Variants in CCDC171 observed in about 807,000 individuals in gnomAD.
CCDC171 encodes the protein coiled-coil domain containing 171.
Under a neutral mutation model 168.2 loss-of-function variants are expected in CCDC171, and 177 were observed. The ratio of observed to expected loss-of-function variants is 1.05; its 90% CI spans 0.93 to 1.19. The LOEUF (loss-of-function observed/expected upper bound fraction) is 1.19. Ranked by LOEUF, CCDC171 falls within the 50% of genes most tolerant of loss-of-function variation. CCDC171 has a pLI of 0.00. For missense variants in CCDC171, 1,991 were observed against 1,539.0 expected (o/e 1.29, Z -4.91); for synonymous variants, 687 against 540.8 (o/e 1.27, Z -3.75).
intron 25 of CCDC171, among the ~76,000 whole-genome samples, chr9:15,938,168 C>G (rs1392605958): frequency 6.6e-6 from 1 of 151,836 alleles, no homozygotes; most frequent in Non-Finnish European, 1.5e-5. Flanking sequence ...GATGAGGAAT[C>G]TCAGTCCCAG....
At chr9:15,781,957 C>G (rs550056647) in intron 20 of CCDC171, among the ~76,000 whole-genome samples, 1 of 152,212 alleles carries the variant, frequency 6.6e-6, no homozygotes, top group East Asian at 1.9e-4. Context: ...ATGGAAATGA[C>G]AGACTTTGAA....
intron 23 of CCDC171, among the ~76,000 whole-genome samples, chr9:15,852,798 A>G (rs1563872102): frequency 1.3e-5 from 2 of 151,402 alleles, no homozygotes; most frequent in South Asian, 2.1e-4. Flanking sequence ...TTATATGGCA[A>G]TCCAATTATT....
chr9:15,616,956 G>T (rs2044126963), intron 6 of CCDC171, among the ~76,000 whole-genome samples: 1 of 152,184 alleles, frequency 6.6e-6, no homozygotes, highest in Non-Finnish European at 1.5e-5. Context: ...GAAGCATGGT[G>T]CTAACATCTG....
chr9:15,883,265 G>A (rs809493), intron 24 of CCDC171: 117,659 of 157,156 alleles, frequency 0.75, 45,718 homozygotes, highest in East Asian at 0.85. Flanking sequence ...TCGCTATGCT[G>A]CCCAGACTGG....
At chr9:16,060,732 C>G (rs574542763) in exon 2 of CCDC171, 1 of 152,294 alleles carries the variant, frequency 6.6e-6, no homozygotes, top group African/African-American at 2.4e-5. Context: ...TAAAAGCTAT[C>G]GGTAGGAGTT....
At chr9:15,892,229 C>T (rs903873893) in intron 24 of CCDC171, among the ~76,000 whole-genome samples, 1 of 152,096 alleles carries the variant, frequency 6.6e-6, no homozygotes, top group African/African-American at 2.4e-5. Flanking sequence ...CCAGAACTTC[C>T]AATACTATGT....
intron 1 of CCDC171, among the ~76,000 whole-genome samples, chr9:16,050,200 T>G (rs1333427555): frequency 6.6e-6 from 1 of 152,242 alleles, no homozygotes; most frequent in South Asian, 2.1e-4. Flanking sequence ...TTACTGTATT[T>G]CTTACAGCAC....
intron 21 of CCDC171, among the ~76,000 whole-genome samples, chr9:15,823,327 TAATAA>T (rs1372615086): frequency 1.3e-5 from 2 of 152,122 alleles, no homozygotes; most frequent in East Asian, 3.9e-4. Context: ...AGTATAATAA[TAATAA>T]AATATTAAAA....
At chr9:15,648,047 C>A (rs1022862188) in intron 7 of CCDC171, among the ~76,000 whole-genome samples, 11 of 152,140 alleles carry the variant, frequency 7.2e-5, no homozygotes, top group Non-Finnish European at 1.2e-4. Context: ...AGCTTATCCA[C>A]CATGATCAAG....
chr9:15,951,967 G>T (rs1829238802), intron 25 of CCDC171, among the ~76,000 whole-genome samples: 1 of 152,082 alleles, frequency 6.6e-6, no homozygotes. Flanking sequence ...CTTTCACCCT[G>T]TGTTTTCTTC....
chr9:15,671,689 C>T (rs1170132160), intron 9 of CCDC171, among the ~76,000 whole-genome samples: 2 of 117,752 alleles, frequency 1.7e-5, no homozygotes, highest in East Asian at 4.5e-4. Context: ...GACGTGAGCT[C>T]ATCCTTTTTT....
intron 25 of CCDC171, among the ~76,000 whole-genome samples, chr9:15,937,576 C>A (rs1019915690): frequency 1.3e-5 from 2 of 151,754 alleles, no homozygotes; most frequent in African/African-American, 4.8e-5. Context: ...TTTTTGTCAG[C>A]AGTTTTAAAG....
chr9:16,085,253 CAG>C, the CCDC171 span, among the ~76,000 whole-genome samples: 1 of 152,196 alleles, frequency 6.6e-6, no homozygotes, highest in Non-Finnish European at 1.5e-5. Context: ...GTCAGGGAAA[CAG>C]AAGCTACATG....
chr9:16,046,196 G>A (rs1297405792), intron 1 of CCDC171, among the ~76,000 whole-genome samples: 2 of 152,150 alleles, frequency 1.3e-5, no homozygotes, highest in Non-Finnish European at 2.9e-5. Flanking sequence ...TTTAGAAAGA[G>A]GAATATTTTC....
At chr9:15,716,105 C>T (rs1331972356) in intron 11 of CCDC171, among the ~76,000 whole-genome samples, 4 of 152,288 alleles carry the variant, frequency 2.6e-5, no homozygotes, top group Admixed American at 2.6e-4. Flanking sequence ...TTCTCCTTCC[C>T]CCTTGTCCCT....
chr9:15,997,006 T>A (rs962655169), intron 3 of CCDC171, among the ~76,000 whole-genome samples: 1 of 152,126 alleles, frequency 6.6e-6, no homozygotes, highest in African/African-American at 2.4e-5. Flanking sequence ...TTTGTGTCAG[T>A]TTGGGTCATT....
chr9:15,600,771 C>T (rs548804897), intron 6 of CCDC171, among the ~76,000 whole-genome samples: 57 of 152,324 alleles, frequency 3.7e-4, no homozygotes, highest in African/African-American at 5.5e-4. Context: ...CCTTGAGCTG[C>T]GGTGGGCTCC....
At chr9:15,597,872 G>T (rs2042500100) in intron 6 of CCDC171, among the ~76,000 whole-genome samples, 1 of 152,078 alleles carries the variant, frequency 6.6e-6, no homozygotes, top group African/African-American at 2.4e-5. Flanking sequence ...GTTTAGTCTT[G>T]GGAGGGTGTA....
rs372700936 is a variant in CCDC171, at chr9:16,049,071, A to G, written n.89+6185A>G. Among the ~76,000 whole-genome samples, 80 of 152,354 alleles carry G rather than the reference A, an allele frequency of 5.3e-4. No homozygotes were observed. The South Asian group carries it at 0.016, about 30-fold the overall frequency. On this transcript the variant is annotated intron_variant and non_coding_transcript_variant, in intron 1 of 1. Coordinates refer to the CCDC171 transcript ENST00000478913. ...AACATCTAAAATCCCTAATGTCTAC[A>G]TTCAGAAAATCGCAATCCCAACAGA... is the stretch of plus-strand genomic sequence containing the variant.
Sources: allele counts gnomAD v4.1 joint callset (sites outside exome capture counted in the v4.1 genomes callset), GRCh38; gene constraint gnomAD v4.1.1; transcripts MANE v1.5; gene names NCBI Gene and HGNC (gene_info 2026-07-23, HGNC 2026-07-21).